The following ABL1 variants were observed in gnomAD, a reference collection of about 807,000 sequenced individuals.
ABL1 encodes tyrosine-protein kinase ABL1.
Under a neutral mutation model 94.7 loss-of-function variants are expected in ABL1, and 11 were observed. The ratio of observed to expected loss-of-function variants is 0.12; its 90% confidence interval spans 0.07 to 0.19. The LOEUF (loss-of-function observed/expected upper bound fraction) is 0.19. Among genes scored for constraint, ABL1 ranks in the 10% least tolerant of loss-of-function variants. ABL1 has a pLI of 1.00. For synonymous variants in ABL1, 656 were observed against 622.4 expected, an observed-to-expected ratio of 1.05 and a Z score of -0.80; for missense variants, 1,082 against 1,489.4, an observed-to-expected ratio of 0.73 and a Z score of 4.50.
At chr9:130,754,324 T>C (rs1336868634) in intron 1 of ABL1, among the ~76,000 whole-genome samples, 2 of 150,144 alleles carry the variant, frequency 1.3e-5, no homozygotes, top group Non-Finnish European at 3.0e-5. Flanking sequence ...CTGGCTAACA[T>C]GGTGAAACCC....
In ABL1 at chr9:130,870,224, C is replaced by T. The variant is rs561584201; in HGVS notation, c.823-1905C>T. ...AAAGGAATTATTTGTACTTTCCTCC[C>T]TTGTGTGTTTGTGTGTATGTAAGAG... On this transcript the variant is annotated intron_variant, in intron 4 of 10. Coordinates refer to ENST00000318560, the MANE Select transcript of ABL1 (RefSeq NM_005157.6). Among the ~76,000 whole-genome samples the T allele has an allele frequency of 2.6e-5, 4 of 152,248 alleles. No individual in the cohort carries two copies. In the South Asian group the frequency reaches 8.3e-4, roughly 32 times the overall value.
In ABL1 at chr9:130,847,286, A is replaced by G. The variant is rs528535825; in HGVS notation, c.80-6778A>G. Among the ~76,000 whole-genome samples the G allele has an allele frequency of 7.2e-5, 11 of 152,348 alleles. No individual in the cohort carries two copies. The East Asian group carries it at 2.1e-3, about 29-fold the overall frequency. On this transcript the variant is annotated intron_variant, in intron 1 of 10. Coordinates refer to ENST00000318560, the MANE Select transcript of ABL1 (RefSeq NM_005157.6). ...AAATGTTCACTAAAAAAATTTAAGAATAATAGCAGATGCTAAAATTTATTT... is the reference window on the plus strand; with the variant it reads ...AAATGTTCACTAAAAAAATTTAAGAGTAATAGCAGATGCTAAAATTTATTT...
chr9:130,725,372 T>TTTTG (rs72296869), intron 1 of ABL1, among the ~76,000 whole-genome samples: 26 of 151,492 alleles, frequency 1.7e-4, no homozygotes, highest in South Asian at 2.1e-4. Flanking sequence ...CACTTAGTGT[T>TTTTG]TTTGTTTGTT....
At position 130,883,971 on chromosome 9, in the gene ABL1, C is replaced by T. The variant is rs1178088676; in HGVS notation, c.1681C>T (p.Pro561Ser). ...PHSKGQGESD[P>S]LDHEPAVSPL... ...CAGCTCTTCCCCTTGCGTTTCAGAT[C>T]CTCTGGACCATGAGCCTGCCGTGTC... The change falls in exon 11 of 11, where the codon CCT becomes TCT. Residue 561 changes from proline (P) to serine (S), a missense_variant and splice_region_variant. Physicochemically the swap from Pro to Ser is moderately conservative, Grantham distance 74. Around this residue, in one of 7 missense-constraint regions of ABL1, gnomAD observed 780 missense variants for 835.8 expected, o/e 0.93. Transcript: ENST00000318560. 6.2e-7 allele frequency: 1 copy of T among 1,610,040 alleles called. No individual in the cohort carries two copies. The highest frequency in any genetic ancestry group is 1.7e-5 in the Admixed American group (1 of 59,314).
chr9:130,735,955 A>AT (rs1365601952), intron 1 of ABL1, among the ~76,000 whole-genome samples: 6 of 41,498 alleles, frequency 1.4e-4, no homozygotes, highest in Admixed American at 3.1e-4. Context: ...ATATATATAT[A>AT]TATATATTTT....
intron 1 of ABL1, among the ~76,000 whole-genome samples, chr9:130,780,781 A>G (rs1425426376): frequency 1.3e-5 from 2 of 152,248 alleles, no homozygotes; most frequent in Non-Finnish European, 2.9e-5. Flanking sequence ...CCAAGAAAGT[A>G]GATAGGATTC....
intron 1 of ABL1, among the ~76,000 whole-genome samples, chr9:130,752,958 CA>C (rs752754691): frequency 0.018 from 1,455 of 82,410 alleles, 24 homozygotes; most frequent in African/African-American, 0.048. Context: ...GACTTCGTCT[CA>C]AAAAAAAAAA....
chr9:130,784,403 A>G (rs984091369), intron 1 of ABL1, among the ~76,000 whole-genome samples: 40 of 152,228 alleles, frequency 2.6e-4, no homozygotes, highest in Non-Finnish European at 5.3e-4. Context: ...TGTCTTCCTC[A>G]TAAGTCATCA....
intron 1 of ABL1, among the ~76,000 whole-genome samples, chr9:130,820,270 G>T (rs1255806433): frequency 1.3e-5 from 2 of 152,254 alleles, no homozygotes; most frequent in East Asian, 3.9e-4. Context: ...TGCAGGTGGG[G>T]TCATGGTATG....
exon 1 of ABL1, among the ~76,000 whole-genome samples, chr9:130,713,513 CGGCCCCAACTTT>C (rs368505988): frequency 1.3e-3 from 196 of 152,210 alleles, no homozygotes; most frequent in African/African-American, 4.5e-3. Context: ...TTCCGGATCC[CGGCCCCAACTTT>C]GGCCACGGAG....
intron 1 of ABL1, among the ~76,000 whole-genome samples, chr9:130,776,105 TGCA>T (rs1260853412): frequency 6.6e-6 from 1 of 152,226 alleles, no homozygotes; most frequent in African/African-American, 2.4e-5. Context: ...GAAGAATGTC[TGCA>T]ATGCAAGAAA....
At chr9:130,742,901 A>T (rs1449539341) in intron 1 of ABL1, among the ~76,000 whole-genome samples, 2 of 152,174 alleles carry the variant, frequency 1.3e-5, no homozygotes, top group Non-Finnish European at 2.9e-5. Flanking sequence ...TGAAGATGAA[A>T]TAAATTGCAT....
At chr9:130,870,147 A>C (rs1831228936) in intron 4 of ABL1, among the ~76,000 whole-genome samples, 1 of 152,220 alleles carries the variant, frequency 6.6e-6, no homozygotes, top group Admixed American at 6.5e-5. Flanking sequence ...TAAATTGGAC[A>C]AGGTCTGATT....
At chr9:130,764,723 C>CAGGGCAGGTGGATCACG (rs1832158430) in intron 1 of ABL1, among the ~76,000 whole-genome samples, 1 of 152,158 alleles carries the variant, frequency 6.6e-6, no homozygotes, top group South Asian at 2.1e-4. Context: ...TTTGGGAGGC[C>CAGGGCAGGTGGATCACG]AGGGCAGGTG....
intron 1 of ABL1, among the ~76,000 whole-genome samples, chr9:130,743,455 T>C (rs1432219676): frequency 6.6e-6 from 1 of 152,190 alleles, no homozygotes; most frequent in Non-Finnish European, 1.5e-5. Flanking sequence ...TATTCCTGGC[T>C]CTTTTGCAAA....
intron 1 of ABL1, chr9:130,725,111 C>G: frequency 5.0e-6 from 1 of 200,846 alleles, no homozygotes. Flanking sequence ...CCATTTTAAC[C>G]TGTTTAGGTG....
chr9:130,735,766 C>T (rs745961030), intron 1 of ABL1, among the ~76,000 whole-genome samples: 1 of 150,964 alleles, frequency 6.6e-6, no homozygotes. Context: ...TCAGGGGTAA[C>T]GTTATAGCTG....
chr9:130,841,074 G>C (rs1830662606), intron 1 of ABL1, among the ~76,000 whole-genome samples: 1 of 152,110 alleles, frequency 6.6e-6, no homozygotes, highest in Non-Finnish European at 1.5e-5. Context: ...GAGAAAAATT[G>C]TCTTGGGCCA....
At chr9:130,843,273 G>A (rs529638272) in intron 1 of ABL1, among the ~76,000 whole-genome samples, 71 of 152,306 alleles carry the variant, frequency 4.7e-4, no homozygotes, top group Middle Eastern at 3.4e-3. Context: ...ACATTGTTGT[G>A]GTGGCAGAAG....
Sources: allele counts gnomAD v4.1 joint callset (sites outside exome capture counted in the v4.1 genomes callset), GRCh38; gene constraint gnomAD v4.1.1; regional missense constraint gnomAD v4.1.1; transcripts MANE v1.5; gene names NCBI Gene and HGNC (gene_info 2026-07-23, HGNC 2026-07-21).